The following SPSB4 variants were observed in gnomAD, a reference collection of about 807,000 sequenced individuals.
SPSB4 encodes splA/ryanodine receptor domain and SOCS box containing 4, also known as SPRY domain-containing SOCS box protein 4.
SPSB4 carries 21 observed loss-of-function variants against 20.9 expected under a neutral mutation model. That is an observed-to-expected ratio of 1.01 (90% CI 0.71 to 1.45). SPSB4 has a LOEUF of 1.45. Ranked by LOEUF, SPSB4 falls within the 40% of genes most tolerant of loss-of-function variation. The probability of loss-of-function intolerance (pLI) is 0.00; values close to 1 mark genes in which losing one functional copy is unlikely to be tolerated. For synonymous variants in SPSB4, 207 were observed against 183.8 expected (o/e 1.13, Z -1.02); for missense variants, 399 against 399.2 (o/e 1.00, Z 0.00).
chr3:141,121,968 C>G (rs532422001), intron 2 of SPSB4, among the ~76,000 whole-genome samples: 114 of 152,306 alleles, frequency 7.5e-4, no homozygotes, highest in Non-Finnish European at 1.4e-3. Context: ...TGGCGAGGAT[C>G]TGCAATCCTT....
intron 2 of SPSB4, among the ~76,000 whole-genome samples, chr3:141,108,334 G>A (rs1332055556): frequency 6.6e-6 from 1 of 152,220 alleles, no homozygotes; most frequent in Non-Finnish European, 1.5e-5. Context: ...GCCCTTCACT[G>A]TGTGCTGCTG....
chr3:141,122,017 C>A (rs764920212), intron 2 of SPSB4, among the ~76,000 whole-genome samples: 1 of 152,198 alleles, frequency 6.6e-6, no homozygotes, highest in Non-Finnish European at 1.5e-5. Flanking sequence ...GAATTTTCAG[C>A]TTTTCTGCTC....
chr3:141,066,846 C>A, intron 2 of SPSB4, 48 bp downstream of exon 2: 3 of 1,480,290 alleles, frequency 2.0e-6, no homozygotes, highest in Non-Finnish European at 2.7e-6. Context: ...GCTGCCAGGC[C>A]CTAGGGAAGC....
chr3:141,096,228 A>T (rs540006621), intron 2 of SPSB4, among the ~76,000 whole-genome samples: 1 of 152,304 alleles, frequency 6.6e-6, no homozygotes, highest in African/African-American at 2.4e-5. Flanking sequence ...AGGGGGAAAC[A>T]GCTAAATAGT....
At chr3:141,061,760 G>T (rs1937769489) in intron 1 of SPSB4, among the ~76,000 whole-genome samples, 1 of 124,480 alleles carries the variant, frequency 8.0e-6, no homozygotes, top group Admixed American at 9.8e-5. Flanking sequence ...TTTTGAGATG[G>T]AGTCTCCCTC....
chr3:141,116,114 A>G (rs1310417017), intron 2 of SPSB4, among the ~76,000 whole-genome samples: 1 of 152,188 alleles, frequency 6.6e-6, no homozygotes, highest in Non-Finnish European at 1.5e-5. Context: ...GCTCAAGCAT[A>G]GCTGTTTGCT....
Position 141,134,087 on chromosome 3 carries a change from A to G in SPSB4, c.695-13055A>G, listed in dbSNP as rs1331087086. 1.2e-4 allele frequency among the ~76,000 whole-genome samples: 6 copies of G among 49,868 alleles called. No homozygotes were observed. The East Asian group carries it at 3.0e-3, about 25-fold the overall frequency. 32.7% of individuals were successfully genotyped at this position (49,868 alleles called of 152,430 possible). Reference sequence around the variant, plus strand: ...TTTTTTTTTTTTTTGCAGCTGTTGTAAAAGGGATTGAGTTCTTGATTTGAT... The same window carrying G: ...TTTTTTTTTTTTTTGCAGCTGTTGTGAAAGGGATTGAGTTCTTGATTTGAT... On this transcript the variant is annotated intron_variant, in intron 2 of 2. Transcript: ENST00000310546.
In SPSB4 at chr3:141,066,391, G is replaced by A; in HGVS notation, c.287G>A (p.Gly96Asp). 1 of 1,539,962 alleles carries A rather than the reference G, an allele frequency of 6.5e-7. No homozygotes were observed. Among genetic ancestry groups the A allele is most frequent in the Non-Finnish European group, 8.7e-7 (1 of 1,144,370 alleles). The stretch of plus-strand genomic sequence containing the variant: ...CGCGGCAAGGTGGGCCACGCCCGCG[G>A]CCTGCACGCCTGGCAGATCAACTGG... ...GIRGKVGHARGLHAWQINWPA... is the reference protein window; with the variant it reads ...GIRGKVGHARDLHAWQINWPA... The change falls in exon 2 of 3, where the codon GGC becomes GAC. Residue 96 changes from glycine (G) to aspartate (D), a missense_variant. Transcript: ENST00000310546.
chr3:141,085,124 AG>A (rs1938315673), intron 2 of SPSB4, among the ~76,000 whole-genome samples: 1 of 152,174 alleles, frequency 6.6e-6, no homozygotes, highest in African/African-American at 2.4e-5. Flanking sequence ...TTCAGATAGA[AG>A]GAATAGCATG....
chr3:141,067,717 C>G (rs911597089), intron 2 of SPSB4, among the ~76,000 whole-genome samples: 1 of 152,188 alleles, frequency 6.6e-6, no homozygotes, highest in Non-Finnish European at 1.5e-5. Context: ...GGCTGCCTGT[C>G]CTGAGTTGAA....
At chr3:141,103,127 G>A (rs532514792) in intron 2 of SPSB4, among the ~76,000 whole-genome samples, 1 of 152,356 alleles carries the variant, frequency 6.6e-6, no homozygotes, top group South Asian at 2.1e-4. Flanking sequence ...GAATCCCAGT[G>A]GCAAAGGGGC....
chr3:141,109,714 A>ATCTC lies in SPSB4; in HGVS notation c.695-37428_695-37427insTCTC, dbSNP rs1325744596. Among the ~76,000 whole-genome samples the ATCTC allele has an allele frequency of 1.2e-3, 178 of 151,926 alleles. 1 individual carries two copies. The highest frequency in any genetic ancestry group is 4.0e-3 in the African/African-American group (167 of 41,422). ...TCTTACATCTCAGCAGCCTTGTATC[A>ATCTC]AGCCTCTGCCCCACCCTGGTCCCAG... On this transcript the variant is annotated intron_variant, in intron 2 of 2. Transcript: ENST00000310546.
intron 1 of SPSB4, among the ~76,000 whole-genome samples, chr3:141,058,460 G>A (rs969211160): frequency 3.3e-5 from 5 of 152,198 alleles, no homozygotes; most frequent in South Asian, 2.1e-4. Flanking sequence ...GAAAAGTGAC[G>A]GAGGCATCCT....
At chr3:141,079,897 A>G (rs1199709547) in intron 2 of SPSB4, among the ~76,000 whole-genome samples, 1 of 152,108 alleles carries the variant, frequency 6.6e-6, no homozygotes, top group African/African-American at 2.4e-5. Flanking sequence ...AGGCAAGCCC[A>G]TGGCTGGCAG....
At chr3:141,091,128 TC>T (rs1938442307) in intron 2 of SPSB4, among the ~76,000 whole-genome samples, 3 of 152,154 alleles carry the variant, frequency 2.0e-5, no homozygotes, top group Admixed American at 2.0e-4. Context: ...CCATCGGACA[TC>T]CATGAGGAGG....
intron 2 of SPSB4, among the ~76,000 whole-genome samples, chr3:141,143,009 G>A (rs796326326): frequency 6.6e-5 from 10 of 151,454 alleles, no homozygotes; most frequent in African/African-American, 2.4e-4. Flanking sequence ...GTAGAAATGG[G>A]GTTTCACCGT....
chr3:141,104,577 G>A (rs550251975), intron 2 of SPSB4, among the ~76,000 whole-genome samples: 17 of 152,286 alleles, frequency 1.1e-4, no homozygotes, highest in East Asian at 7.7e-4. Context: ...ATGGCCAGGC[G>A]GGAATGAAAG....
intron 2 of SPSB4, among the ~76,000 whole-genome samples, chr3:141,134,035 CTTTTTTT>C (rs1348749217): frequency 2.1e-5 from 1 of 46,764 alleles, no homozygotes; most frequent in Non-Finnish European, 4.0e-5. Flanking sequence ...TTTTTCTTTT[CTTTTTTT>C]TTTTTTCTTT....
At chr3:141,141,458 C>T (rs1013060915) in intron 2 of SPSB4, among the ~76,000 whole-genome samples, 23 of 152,186 alleles carry the variant, frequency 1.5e-4, no homozygotes, top group African/African-American at 5.1e-4. Flanking sequence ...TGTTCCTATT[C>T]GGCCATCTTG....
Sources: allele counts gnomAD v4.1 joint callset (sites outside exome capture counted in the v4.1 genomes callset), GRCh38; gene constraint gnomAD v4.1.1; transcripts MANE v1.5; gene names NCBI Gene and HGNC (gene_info 2026-07-23, HGNC 2026-07-21).